CLIP2: variants seen among roughly 807,000 people sequenced by gnomAD.
CLIP2 encodes the protein CAP-Gly domain-containing linker protein 2.
In CLIP2, 41 loss-of-function variants were observed where a neutral mutation model predicts 111.7. The ratio of observed to expected loss-of-function variants is 0.37; its 90% CI spans 0.29 to 0.48. The LOEUF is 0.48. CLIP2 is among the 20% of genes least tolerant of loss of function. The pLI is 0.99. For missense variants in CLIP2, 1,160 were observed against 1,422.1 expected, an observed-to-expected ratio of 0.82 and a Z score of 2.96; for synonymous variants, 660 against 644.2, an observed-to-expected ratio of 1.02 and a Z score of -0.37.
chr7:74,328,593 C>T (rs1789186298), intron 2 of CLIP2, among the ~76,000 whole-genome samples: 1 of 151,926 alleles, frequency 6.6e-6, no homozygotes, highest in Non-Finnish European at 1.5e-5. Context: ...CACAGTGGGC[C>T]CCTTGAGATG....
chr7:74,355,193 G>A (rs1180318073), intron 4 of CLIP2, among the ~76,000 whole-genome samples: 1 of 152,206 alleles, frequency 6.6e-6, no homozygotes, highest in Non-Finnish European at 1.5e-5. Flanking sequence ...TCGAAAGAAG[G>A]TAGGGTTTCC....
intron 12 of CLIP2, among the ~76,000 whole-genome samples, chr7:74,386,851 C>T (rs956252413): frequency 2.6e-5 from 4 of 151,894 alleles, no homozygotes; most frequent in Non-Finnish European, 5.9e-5. Context: ...GGTGAAACCT[C>T]GTCTCTACTA....
At chr7:74,318,451 G>T (rs1554729512) in intron 2 of CLIP2, among the ~76,000 whole-genome samples, 1 of 152,162 alleles carries the variant, frequency 6.6e-6, no homozygotes, top group Non-Finnish European at 1.5e-5. Flanking sequence ...GGAGGCTCAT[G>T]CCTGTAATCT....
intron 13 of CLIP2, among the ~76,000 whole-genome samples, chr7:74,395,910 C>T (rs1791434221): frequency 6.6e-6 from 1 of 152,186 alleles, no homozygotes; most frequent in African/African-American, 2.4e-5. Context: ...TGCTCCCCGC[C>T]TCATGATTGC....
chr7:74,326,461 G>A (rs1194217236), intron 2 of CLIP2, among the ~76,000 whole-genome samples: 1 of 152,146 alleles, frequency 6.6e-6, no homozygotes, highest in African/African-American at 2.4e-5. Context: ...GGTCACAACT[G>A]TCCCCTAACA....
chr7:74,332,188 C>T (rs1053365143), intron 2 of CLIP2, among the ~76,000 whole-genome samples: 2 of 151,948 alleles, frequency 1.3e-5, no homozygotes, highest in Non-Finnish European at 2.9e-5. Context: ...ATTCTCCTGC[C>T]TCAGCCTCTC....
intron 1 of CLIP2, among the ~76,000 whole-genome samples, chr7:74,297,955 T>TATATTCATATATTCACAAA (rs1475918719): frequency 6.6e-6 from 1 of 151,822 alleles, no homozygotes; most frequent in Non-Finnish European, 1.5e-5. Context: ...ATATATTCAC[T>TATATTCATATATTCACAAA]AAACATGTAT....
At chr7:74,304,482 C>A (rs1373372020) in intron 1 of CLIP2, among the ~76,000 whole-genome samples, 1 of 150,548 alleles carries the variant, frequency 6.6e-6, no homozygotes, top group Admixed American at 6.6e-5. Context: ...GCCGAGATCA[C>A]GCCATTGCAC....
intron 8 of CLIP2, among the ~76,000 whole-genome samples, chr7:74,371,777 GGAGA>G (rs140323035): frequency 1.3e-5 from 2 of 150,080 alleles, no homozygotes; most frequent in East Asian, 2.0e-4. Context: ...AGAGAGGAGG[GGAGA>G]GAGAGAACTT....
chr7:74,385,772 C>T lies in CLIP2; in HGVS notation c.2480-749C>T, dbSNP rs180892619. ...TTTTTTTTTTTTTGAGACAGAGTTT[C>T]GCTCTTGTTGCCCAGGCTGGAGTGC... On this transcript the variant is annotated intron_variant, in intron 11 of 16. Coordinates refer to ENST00000223398, the MANE Select transcript of CLIP2 (RefSeq NM_003388.5). Among the ~76,000 whole-genome samples the T allele has an allele frequency of 6.5e-3, 822 of 127,248 alleles. 7 individuals carry two copies. Among genetic ancestry groups the T allele is most frequent in the African/African-American group, 0.022 (779 of 34,740 alleles). The allele number at this position is 127,248 out of a possible 152,430, so 83.5% of individuals were successfully genotyped here.
rs561624081 is a variant in CLIP2 at position 74,315,803 on chromosome 7, C to T, written c.-67-1677C>T. Among the ~76,000 whole-genome samples, 179 of 151,990 alleles carry T rather than the reference C, an allele frequency of 1.2e-3. 5 individuals are homozygous for T. In the South Asian group the frequency reaches 0.026, roughly 22 times the overall value. ...GCCAGGCTGGTCTCAAACTCCTGACCTCAGGTGATCCGCCCACCTCAGCCT... is the reference window on the plus strand; with the variant it reads ...GCCAGGCTGGTCTCAAACTCCTGACTTCAGGTGATCCGCCCACCTCAGCCT... On this transcript the variant is annotated intron_variant, in intron 1 of 16. Transcript: ENST00000223398.
At chr7:74,370,753 C>T (rs371825028) in intron 8 of CLIP2, among the ~76,000 whole-genome samples, 5 of 152,052 alleles carry the variant, frequency 3.3e-5, no homozygotes, top group East Asian at 1.9e-4. Context: ...GAAACACTTG[C>T]GCCTCTTCCT....
chr7:74,354,783 A>T (rs985179471), intron 4 of CLIP2, among the ~76,000 whole-genome samples: 10 of 152,090 alleles, frequency 6.6e-5, no homozygotes, highest in South Asian at 2.1e-4. Context: ...AAAATAATAA[A>T]AAATAAATAA....
At position 74,328,494 on chromosome 7, in the gene CLIP2, G is replaced by A. The variant is rs1389555332; in HGVS notation, c.122-9954G>A. On this transcript the variant is annotated intron_variant, in intron 2 of 16. Coordinates refer to ENST00000223398, the MANE Select transcript of CLIP2 (RefSeq NM_003388.5). ...ACCTCCTGGGGCTCATGTTCTGGGGGTGTGCAGACATGCACCCCAGTTAGC... is the reference window on the plus strand; with the variant it reads ...ACCTCCTGGGGCTCATGTTCTGGGGATGTGCAGACATGCACCCCAGTTAGC... Among the ~76,000 whole-genome samples, 6 of 152,106 alleles carry A rather than the reference G, an allele frequency of 3.9e-5. No homozygotes were observed. In the South Asian group the frequency reaches 6.2e-4, roughly 16 times the overall value.
In CLIP2 at chr7:74,389,143, C is replaced by G. The variant is rs542790637; in HGVS notation, c.2604C>G (p.Asp868Glu). 1 of 1,613,314 alleles carries G rather than the reference C, an allele frequency of 6.2e-7. No individual in the cohort carries two copies. The highest frequency in any genetic ancestry group is 8.5e-7 in the Non-Finnish European group (1 of 1,179,848). ...GTAAGTCAGGCGAGAAGAAGGTGGA[C>G]GCCCTCCTGAAGGAGAAGCGGCGCC... is the stretch of plus-strand genomic sequence containing the variant. Reference protein sequence around the residue: ...SKCKSGEKKVDALLKEKRRLE... With the variant: ...SKCKSGEKKVEALLKEKRRLE... Residue 868 changes from aspartate to glutamate, a missense_variant, in exon 13 of 17, where the codon GAC becomes GAG. Asp to Glu is a conservative substitution (Grantham distance 45). Around this residue, in one of 5 missense-constraint regions of CLIP2, gnomAD observed 676 missense variants for 777.8 expected, o/e 0.87. Coordinates refer to ENST00000223398, the MANE Select transcript of CLIP2 (RefSeq NM_003388.5).
chr7:74,318,351 GTT>G (rs1307002959), intron 2 of CLIP2, among the ~76,000 whole-genome samples: 1 of 152,030 alleles, frequency 6.6e-6, no homozygotes, highest in Non-Finnish European at 1.5e-5. Flanking sequence ...CTACGGGAGG[GTT>G]TAAACCAAGA....
intron 10 of CLIP2, among the ~76,000 whole-genome samples, chr7:74,378,076 T>C (rs1554313311): frequency 6.6e-6 from 1 of 152,164 alleles, no homozygotes; most frequent in African/African-American, 2.4e-5. Context: ...TCTGCCCGCC[T>C]CGGCCTCCCA....
chr7:74,357,534 A>C, intron 6 of CLIP2, 57 bp downstream of exon 6: 30 of 1,521,452 alleles, frequency 2.0e-5, no homozygotes, highest in Non-Finnish European at 2.5e-5. Context: ...ATAGAGTCTC[A>C]CCCACTCAGA....
intron 3 of CLIP2, among the ~76,000 whole-genome samples, chr7:74,351,590 C>CT: frequency 6.6e-6 from 1 of 152,198 alleles, no homozygotes; most frequent in East Asian, 1.9e-4. Context: ...AATCCCATCA[C>CT]TTTGGGAGGC....
Sources: allele counts gnomAD v4.1 joint callset (sites outside exome capture counted in the v4.1 genomes callset), GRCh38; gene constraint gnomAD v4.1.1; regional missense constraint gnomAD v4.1.1; transcripts MANE v1.5; gene names NCBI Gene and HGNC (gene_info 2026-07-23, HGNC 2026-07-21).